TSEN2: variants seen among roughly 807,000 people sequenced by gnomAD.
The protein encoded by TSEN2 is tRNA splicing endonuclease subunit 2, also known as tRNA-splicing endonuclease subunit Sen2.
A neutral mutation model predicts 59.2 loss-of-function variants in TSEN2; 54 were observed. That is an observed-to-expected ratio of 0.91 (90% CI 0.73 to 1.14). The LOEUF is 1.14. TSEN2 is among the 50% of genes most tolerant of loss of function. The pLI, the probability that TSEN2 is intolerant of heterozygous loss-of-function variation, is 0.00. For synonymous variants in TSEN2, 195 were observed against 198.2 expected (o/e 0.98, Z 0.14); for missense variants, 636 against 576.2 (o/e 1.10, Z -1.06).
intron 6 of TSEN2, among the ~76,000 whole-genome samples, chr3:12,509,529 T>C (rs1449920383): frequency 6.6e-6 from 1 of 152,128 alleles, no homozygotes; most frequent in East Asian, 1.9e-4. Context: ...GTTAAGGAGC[T>C]TTAACGTTTA....
chr3:12,503,980 T>A (rs2054562801), intron 5 of TSEN2, among the ~76,000 whole-genome samples, 196 bp downstream of exon 5: 1 of 152,112 alleles, frequency 6.6e-6, no homozygotes, highest in Non-Finnish European at 1.5e-5. Flanking sequence ...TTTAAAAAAA[T>A]TTATAAAATT....
At chr3:12,504,961 A>G (rs1392345276) in intron 5 of TSEN2, among the ~76,000 whole-genome samples, 193 bp from the exon 6 acceptor site, 2 of 152,168 alleles carry the variant, frequency 1.3e-5, no homozygotes, top group Non-Finnish European at 1.5e-5. Context: ...TGATCACACC[A>G]CTGCACTCCA....
intron 4 of TSEN2, among the ~76,000 whole-genome samples, chr3:12,502,801 C>T (rs1388529006): frequency 6.6e-6 from 1 of 151,246 alleles, no homozygotes; most frequent in Non-Finnish European, 1.5e-5. Flanking sequence ...AGGCCACACG[C>T]GGTGGCTCAC....
rs894057462 is a variant in TSEN2, at chr3:12,496,393, T to C, written c.272-125T>C. ...AAAGCATATTTTTGCCATTACTGAC[T>C]GGACAGTAAACTTTCTAGGTGTGTG... On this transcript the variant is annotated intron_variant, in intron 3 of 11. Transcript: ENST00000284995. 5 of 1,018,972 alleles carry C rather than the reference T, an allele frequency of 4.9e-6. No individual in the cohort carries two copies. The African/African-American group carries it at 7.9e-5, about 16-fold the overall frequency. 63.1% of individuals were successfully genotyped at this position (1,018,972 alleles called of 1,614,324 possible).
rs1033970042 is a variant in TSEN2 at position 12,503,757 on chromosome 3, C to T, written c.804C>T (p.Ser268=). ...VLVEEAECAM[S]EREAAPNEEL... ...TCGAGGAAGCGGAGTGTGCCATGAG[C>T]GAGAGGGAGGCTGCCCCAAATGAGG... The change falls in exon 5 of 12, where the codon AGC becomes AGT. Residue 268 remains serine (S), a synonymous_variant. Coordinates refer to ENST00000284995, the MANE Select transcript of TSEN2 (RefSeq NM_025265.4). 22 of 1,613,824 alleles carry T rather than the reference C, an allele frequency of 1.4e-5. No homozygotes were observed. Among genetic ancestry groups the T allele is most frequent in the African/African-American group, 2.7e-5 (2 of 74,860 alleles).
At chr3:12,506,531 G>C (rs769262303) in intron 6 of TSEN2, among the ~76,000 whole-genome samples, 9 of 151,144 alleles carry the variant, frequency 6.0e-5, no homozygotes, top group Non-Finnish European at 7.4e-5. Context: ...GGAGGTCGAG[G>C]CTTTAATGAA....
chr3:12,530,503 CAAGA>C (rs2057392727), intron 10 of TSEN2: 1 of 985,442 alleles, frequency 1.0e-6, no homozygotes, highest in Non-Finnish European at 1.2e-6. Flanking sequence ...CAAGGACTAT[CAAGA>C]AAGAAAGCTG....
downstream of TSEN2, among the ~76,000 whole-genome samples, chr3:12,534,019 A>G (rs1177206161): frequency 6.6e-6 from 1 of 152,134 alleles, no homozygotes; most frequent in Non-Finnish European, 1.5e-5. Context: ...GTGCATCACT[A>G]CCAGTCATGC....
chr3:12,529,713 CAG>C (rs763085233), intron 9 of TSEN2, 47 bp from the exon 10 acceptor site: 23 of 1,534,428 alleles, frequency 1.5e-5, no homozygotes, highest in Non-Finnish European at 2.1e-5. Context: ...TCTTTTTAAA[CAG>C]ATTTATTTCA....
intron 6 of TSEN2, chr3:12,506,747 C>T (rs978558879): frequency 4.5e-5 from 44 of 985,144 alleles, no homozygotes; most frequent in Middle Eastern, 5.2e-4. Context: ...AAGCTAGGAC[C>T]GCTTCTTGGG....
chr3:12,495,271 A>C (rs1190932403), intron 3 of TSEN2, among the ~76,000 whole-genome samples: 4 of 151,872 alleles, frequency 2.6e-5, no homozygotes, highest in Non-Finnish European at 1.5e-5. Context: ...TTTTGGAGAT[A>C]GGGCCTGGAG....
chr3:12,507,139 G>A (rs1179279762), intron 6 of TSEN2, among the ~76,000 whole-genome samples: 2 of 152,202 alleles, frequency 1.3e-5, no homozygotes, highest in Admixed American at 6.5e-5. Flanking sequence ...GTTGCAGTAA[G>A]CTGAGATTGC....
In TSEN2 at chr3:12,531,623, G is replaced by T. The variant is rs1413153364; in HGVS notation, c.1302G>T (p.Met434Ile). ...IKPSTMTDKE[M>I]ESPECMKRIK... is the part of the protein sequence containing the mutation. ...CCTCTACTATGACTGACAAGGAAAT[G>T]GAGTCACCAGAATGTATGAAAAGGA... Residue 434 changes from methionine (M) to isoleucine (I), a missense_variant, in exon 11 of 12, where the codon ATG (methionine) becomes ATT (isoleucine). Physicochemically the swap from Met to Ile is conservative, Grantham distance 10. Transcript: ENST00000284995. 6.2e-7 allele frequency: 1 copy of T among 1,612,760 alleles called. No homozygotes were observed. The highest frequency in any genetic ancestry group is 1.3e-5 in the African/African-American group (1 of 74,882).
exon 11 of TSEN2, chr3:12,539,346 C>T (rs2057758022): frequency 3.1e-6 from 1 of 324,316 alleles, no homozygotes; most frequent in Admixed American, 4.6e-5. Flanking sequence ...GTTGGCCAGG[C>T]TGGTCTGGAA....
chr3:12,525,491 A>G (rs938584277), intron 8 of TSEN2, among the ~76,000 whole-genome samples: 3 of 152,164 alleles, frequency 2.0e-5, no homozygotes, highest in Non-Finnish European at 1.5e-5. Context: ...TCTGTCTAGC[A>G]TTCTTCTGTA....
At chr3:12,486,731 T>A (rs1018121640) in intron 1 of TSEN2, among the ~76,000 whole-genome samples, 3 of 152,236 alleles carry the variant, frequency 2.0e-5, no homozygotes, top group African/African-American at 7.2e-5. Context: ...TTTCCCACTT[T>A]TCCCTGTCTC....
At position 12,533,362 on chromosome 3, in the gene TSEN2, AGGGAGAT is replaced by A. The variant is rs1415518775; in HGVS notation, c.*645_*651del. ...CCTCAGGGCATCTGGTGGCAAGAGG[AGGGAGAT>A]GGGTGGCTGGGCATGGTGGCCCATA... On this transcript the variant is annotated 3_prime_UTR_variant, in exon 12 of 12. Coordinates refer to ENST00000284995, the MANE Select transcript of TSEN2 (RefSeq NM_025265.4). 2 of 154,290 alleles carry A rather than the reference AGGGAGAT, an allele frequency of 1.3e-5. No homozygotes were observed. The highest frequency in any genetic ancestry group is 2.9e-5 in the Non-Finnish European group (2 of 69,544). 9.6% of individuals were successfully genotyped at this position (154,290 alleles called of 1,614,324 possible). A position where few individuals can be genotyped will look rare whatever the true frequency, so the allele number is the denominator to read the frequency against.
At chr3:12,486,541 T>A (rs547392002) in intron 1 of TSEN2, among the ~76,000 whole-genome samples, 5 of 152,356 alleles carry the variant, frequency 3.3e-5, no homozygotes, top group East Asian at 3.9e-4. Flanking sequence ...CTGAATTTTT[T>A]AAAATAGCTT....
chr3:12,529,640 G>A lies in TSEN2; in HGVS notation c.1137-122G>A, dbSNP rs1370081777. 5.8e-6 allele frequency: 5 copies of A among 862,844 alleles called. No homozygotes were observed. The South Asian group carries it at 8.2e-5, about 14-fold the overall frequency. 53.4% of individuals were successfully genotyped at this position (862,844 alleles called of 1,614,324 possible). On this transcript the variant is annotated intron_variant, in intron 9 of 11. Transcript: ENST00000284995. ...ATATTTTCTCAATAGCAATTTAGGG[G>A]AATTTAGAATCAGATGATGCAAATT...
Sources: gnomAD v4.1 joint callset for allele counts (sites outside exome capture counted in the v4.1 genomes callset) on GRCh38, gnomAD v4.1.1 for gene constraint, MANE v1.5 for transcripts, NCBI Gene and HGNC (gene_info 2026-07-23, HGNC 2026-07-21) for gene names.